OR1E2: variants seen among roughly 807,000 people sequenced by gnomAD.
OR1E2 encodes olfactory receptor family 1 subfamily E member 2, also known as olfactory receptor 1E2.
A neutral mutation model predicts 5.6 loss-of-function variants in OR1E2; 6 were observed. The observed-to-expected ratio is 1.08, with a 90% CI of 0.59 to 2.12. OR1E2 has a LOEUF of 2.12. Ranked by LOEUF, OR1E2 falls within the 30% of genes most tolerant of loss-of-function variation. OR1E2 has a pLI of 0.00. For synonymous variants in OR1E2, 135 were observed against 157.4 expected (o/e 0.86, Z 1.06); for missense variants, 344 against 391.4 (o/e 0.88, Z 1.02).
chr17:3,432,878 G>C lies in OR1E2; in HGVS notation c.964C>G (p.Leu322Val). Residue 322 changes from leucine to valine, a missense_variant, in exon 1 of 1, where the codon CTT becomes GTT. Transcript: ENST00000248384. ...RVICKRKNPF[L>V]L Reference sequence around the variant, plus strand: ...ACTCCCAAGTATTACTGTCATAGAAGGAAGGGATTTTTCCTTTTACAAATG... The same window carrying C: ...ACTCCCAAGTATTACTGTCATAGAACGAAGGGATTTTTCCTTTTACAAATG... The C allele has an allele frequency of 1.2e-6, 2 of 1,604,490 alleles. No individual in the cohort carries two copies. Among genetic ancestry groups the C allele is most frequent in the Non-Finnish European group, 1.7e-6 (2 of 1,175,526 alleles).
chr17:3,433,203 C>A lies in OR1E2; in HGVS notation c.639G>T (p.Gly213=). ...GTAGGAATGGGATGACAAGAATGAG[C>A]CCTCCCATGATAAATATCACCCATT... The part of the protein sequence containing the change: ...VNEWVIFIMG[G]LILVIPFLLI... The change falls in exon 1 of 1, where the codon GGG becomes GGT. Residue 213 remains glycine (G), a synonymous_variant. Coordinates refer to ENST00000248384, the MANE Select transcript of OR1E2 (RefSeq NM_003554.2). 1.2e-6 allele frequency: 2 copies of A among 1,613,884 alleles called. No individual in the cohort carries two copies. Among genetic ancestry groups the A allele is most frequent in the African/African-American group, 2.7e-5 (2 of 74,988 alleles).
chr17:3,433,263 C>G lies in OR1E2; in HGVS notation c.579G>C (p.Leu193=). The change falls in exon 1 of 1, where the codon CTG becomes CTC. Residue 193 remains leucine, a synonymous_variant. Transcript: ENST00000248384. ...IPHFFCDMSA[L]LKLACSDTRV... is the part of the protein sequence containing the mutation. ...GAGTGTCAGAGCAGGCCAGCTTCAG[C>G]AGAGCAGACATATCACAGAAAAAGT... 1 of 1,614,032 alleles carries G rather than the reference C, an allele frequency of 6.2e-7. No individual in the cohort carries two copies. Among genetic ancestry groups the G allele is most frequent in the South Asian group, 1.1e-5 (1 of 91,074 alleles).
chr17:3,433,320 C>A lies in OR1E2; in HGVS notation c.522G>T (p.Arg174Ser), dbSNP rs1180435988. 6.2e-7 allele frequency: 1 copy of A among 1,614,156 alleles called. No homozygotes were observed. The highest frequency in any genetic ancestry group is 1.3e-5 in the African/African-American group (1 of 75,020). The change falls in exon 1 of 1, where the codon AGG (arginine) becomes AGT (serine). Residue 174 changes from arginine (R) to serine (S), a missense_variant. Coordinates refer to ENST00000248384, the MANE Select transcript of OR1E2 (RefSeq NM_003554.2). The stretch of plus-strand genomic sequence containing the variant: ...TCACATTGTCTGCACAAAAACACAA[C>A]CTGGCCATGAGTAAAGTGTGTAACA... ...HAMLHTLLMA[R>S]LCFCADNVIP...
In OR1E2 at chr17:3,433,686, G is replaced by A. The variant is rs1404953853; in HGVS notation, c.156C>T (p.Asp52=). ...NLLIIVLIRL[D]SHLHTPVYLF... ...AATACACAGGCGTGTGGAGATGGGA[G>A]TCCAGTCGAATGAGGACAATGATGA... The change falls in exon 1 of 1, where the codon GAC becomes GAT. Residue 52 remains aspartate, a synonymous_variant. Transcript: ENST00000248384. 6.2e-6 allele frequency: 10 copies of A among 1,614,200 alleles called. No homozygotes were observed. Among genetic ancestry groups the A allele is most frequent in the East Asian group, 4.5e-5 (2 of 44,876 alleles).
rs767184368 is a variant in OR1E2, at chr17:3,433,289, G to C, written c.553C>G (p.His185Asp). The change falls in exon 1 of 1, where the codon CAC becomes GAC. Residue 185 changes from histidine (H) to aspartate (D), a missense_variant. By Grantham distance (81) the His-to-Asp change is moderately conservative. Transcript: ENST00000248384. Reference protein sequence around the residue: ...LCFCADNVIPHFFCDMSALLK... With the variant: ...LCFCADNVIPDFFCDMSALLK... ...AGAGCAGACATATCACAGAAAAAGTGGGGGATCACATTGTCTGCACAAAAA... is the reference window on the plus strand; with the variant it reads ...AGAGCAGACATATCACAGAAAAAGTCGGGGATCACATTGTCTGCACAAAAA... 6.2e-7 allele frequency: 1 copy of C among 1,614,142 alleles called. No homozygotes were observed. Among genetic ancestry groups the C allele is most frequent in the South Asian group, 1.1e-5 (1 of 91,078 alleles).
At position 3,433,276 on chromosome 17, in the gene OR1E2, T is replaced by C; in HGVS notation, c.566A>G (p.Asp189Gly). 3 of 1,612,990 alleles carry C rather than the reference T, an allele frequency of 1.9e-6. No individual in the cohort carries two copies. The highest frequency in any genetic ancestry group is 1.3e-5 in the African/African-American group (1 of 74,958). Residue 189 changes from aspartate to glycine, a missense_variant, in exon 1 of 1, where the codon GAT becomes GGT. Physicochemically the swap from Asp to Gly is moderately conservative, Grantham distance 94. Transcript: ENST00000248384. ...GGCCAGCTTCAGCAGAGCAGACATA[T>C]CACAGAAAAAGTGGGGGATCACATT... ...ADNVIPHFFC[D>G]MSALLKLACS...
Position 3,433,443 on chromosome 17 carries a change from G to C in OR1E2, c.399C>G (p.Thr133=). 1.2e-6 allele frequency: 2 copies of C among 1,612,460 alleles called. No homozygotes were observed. The highest frequency in any genetic ancestry group is 1.7e-6 in the Non-Finnish European group (2 of 1,179,920). Reference sequence around the variant, plus strand: ...TGTAGTGCAGGAGGAAGCAGATGGCGGTGTAGTGCATGGGGAAGCAGATGG... The same window carrying C: ...TGTAGTGCAGGAGGAAGCAGATGGCCGTGTAGTGCATGGGGAAGCAGATGG... ...YVAICFPMHY[T]AICFLLHYTA... Residue 133 remains threonine, a synonymous_variant, in exon 1 of 1, where the codon ACC becomes ACG. Transcript: ENST00000248384.
Position 3,433,248 on chromosome 17 carries a change from G to A in OR1E2, c.594C>T (p.Cys198=). 6.2e-7 allele frequency: 1 copy of A among 1,614,070 alleles called. No homozygotes were observed. The highest frequency in any genetic ancestry group is 1.3e-5 in the African/African-American group (1 of 75,036). The change falls in exon 1 of 1, where the codon TGC becomes TGT. Residue 198 remains cysteine (C), a synonymous_variant. Coordinates refer to ENST00000248384, the MANE Select transcript of OR1E2 (RefSeq NM_003554.2). The part of the protein sequence containing the change: ...CDMSALLKLA[C]SDTRVNEWVI... ...CCCATTCATTAACTCGAGTGTCAGAGCAGGCCAGCTTCAGCAGAGCAGACA... is the reference window on the plus strand; with the variant it reads ...CCCATTCATTAACTCGAGTGTCAGAACAGGCCAGCTTCAGCAGAGCAGACA...
rs748715403 is a variant in OR1E2, at chr17:3,432,886, T to C, written c.956A>G (p.Asn319Ser). Residue 319 changes from asparagine (N) to serine (S), a missense_variant, in exon 1 of 1, where the codon AAT becomes AGT. Coordinates refer to ENST00000248384, the MANE Select transcript of OR1E2 (RefSeq NM_003554.2). ...GTATTACTGTCATAGAAGGAAGGGA[T>C]TTTTCCTTTTACAAATGACCCTTTC... ...ALERVICKRKNPFLL is the reference protein window; with the variant it reads ...ALERVICKRKSPFLL 1 of 1,608,164 alleles carries C rather than the reference T, an allele frequency of 6.2e-7. No homozygotes were observed. Among genetic ancestry groups the C allele is most frequent in the African/African-American group, 1.3e-5 (1 of 74,666 alleles).
Position 3,433,402 on chromosome 17 carries a change from G to A in OR1E2, c.440C>T (p.Pro147Leu), listed in dbSNP as rs761416955. The A allele has an allele frequency of 2.5e-6, 4 of 1,613,104 alleles. No homozygotes were observed. In the Admixed American group the frequency reaches 5.0e-5, roughly 20 times the overall value. ...CGCCACCACGGAGAGACAGAGCATG[G>A]GGCTCATGATGGCGGTGTAGTGCAG... ...FLLHYTAIMSPMLCLSVVALS... is the reference protein window; with the variant it reads ...FLLHYTAIMSLMLCLSVVALS... Residue 147 changes from proline to leucine, a missense_variant, in exon 1 of 1, where the codon CCC (proline) becomes CTC (leucine). Physicochemically the swap from Pro to Leu is moderately conservative, Grantham distance 98. Transcript: ENST00000248384.
At position 3,433,053 on chromosome 17, in the gene OR1E2, G is replaced by C; in HGVS notation, c.789C>G (p.Thr263=). Residue 263 remains threonine, a synonymous_variant, in exon 1 of 1, where the codon ACC becomes ACG. Transcript: ENST00000248384. ...ATGGGCATAAGTAGAGACCAATAAC[G>C]GTCCCATAGAACAGTGACACCACAG... ...HLSVVSLFYG[T]VIGLYLCPSA... 6.2e-7 allele frequency: 1 copy of C among 1,613,824 alleles called. No individual in the cohort carries two copies.
rs2072516598 is a variant in OR1E2 at position 3,433,742 on chromosome 17, T to C, written c.100A>G (p.Met34Val). The C allele has an allele frequency of 7.4e-6, 12 of 1,614,094 alleles. No homozygotes were observed. Among genetic ancestry groups the C allele is most frequent in the African/African-American group, 1.3e-5 (1 of 75,016 alleles). ...QNLCYALFLA[M>V]YLTTLLGNLL... ...TTCCCCAGGAGGGTGGTAAGATACA[T>C]GGCCAAGAACAGGGCATAGCACAGG... Residue 34 changes from methionine to valine, a missense_variant, in exon 1 of 1, where the codon ATG becomes GTG. By Grantham distance (21) the Met-to-Val change is conservative. Coordinates refer to ENST00000248384, the MANE Select transcript of OR1E2 (RefSeq NM_003554.2).
rs2072509903 is a variant in OR1E2, at chr17:3,433,112, A to C, written c.730T>G (p.Cys244Gly). The part of the protein sequence containing the change: ...ILKVPSSKGI[C>G]KAFSTCGSHL... ...GAGCCACAAGTAGAGAAGGCCTTGC[A>C]GATACCCTTAGAAGAAGGGACCTTG... Residue 244 changes from cysteine (C) to glycine (G), a missense_variant, in exon 1 of 1, where the codon TGC becomes GGC. By Grantham distance (159) the Cys-to-Gly change is radical (BLOSUM62 -3). Transcript: ENST00000248384. The C allele has an allele frequency of 6.3e-7, 1 of 1,595,742 alleles. No individual in the cohort carries two copies.
At position 3,433,087 on chromosome 17, in the gene OR1E2, G is replaced by A. The variant is rs373649393; in HGVS notation, c.755C>T (p.Ser252Phe). 35 of 1,613,322 alleles carry A rather than the reference G, an allele frequency of 2.2e-5. No individual in the cohort carries two copies. Among genetic ancestry groups the A allele is most frequent in the Admixed American group, 1.3e-4 (8 of 59,976 alleles). The change falls in exon 1 of 1, where the codon TCC becomes TTC. Residue 252 changes from serine to phenylalanine, a missense_variant. Transcript: ENST00000248384. ...GAACAGTGACACCACAGAGAGGTGG[G>A]AGCCACAAGTAGAGAAGGCCTTGCA... Reference protein sequence around the residue: ...GICKAFSTCGSHLSVVSLFYG... With the variant: ...GICKAFSTCGFHLSVVSLFYG...
rs78339092 is a variant in OR1E2, at chr17:3,433,405, C to A, written c.437G>T (p.Ser146Ile). ...CFLLHYTAIMSPMLCLSVVAL... is the reference protein window; with the variant it reads ...CFLLHYTAIMIPMLCLSVVAL... Reference sequence around the variant, plus strand: ...CACCACGGAGAGACAGAGCATGGGGCTCATGATGGCGGTGTAGTGCAGGAG... The same window carrying A: ...CACCACGGAGAGACAGAGCATGGGGATCATGATGGCGGTGTAGTGCAGGAG... Residue 146 changes from serine (S) to isoleucine (I), a missense_variant, in exon 1 of 1, where the codon AGC (serine) becomes ATC (isoleucine). Transcript: ENST00000248384. The A allele has an allele frequency of 2.3e-4, 377 of 1,612,550 alleles. 5 individuals carry two copies. The South Asian group carries it at 3.7e-3, about 16-fold the overall frequency.
Position 3,433,372 on chromosome 17 carries a change from G to A in OR1E2, c.470C>T (p.Ser157Phe). 1 of 1,614,164 alleles carries A rather than the reference G, an allele frequency of 6.2e-7. No homozygotes were observed. Reference protein sequence around the residue: ...PMLCLSVVALSWVLTTFHAML... With the variant: ...PMLCLSVVALFWVLTTFHAML... The stretch of plus-strand genomic sequence containing the variant: ...GGCATGGAAGGTGGTCAGCACCCAG[G>A]ACAGCGCCACCACGGAGAGACAGAG... Residue 157 changes from serine (S) to phenylalanine (F), a missense_variant, in exon 1 of 1, where the codon TCC becomes TTC. Ser to Phe is a radical substitution (Grantham distance 155). Coordinates refer to ENST00000248384, the MANE Select transcript of OR1E2 (RefSeq NM_003554.2).
Position 3,433,446 on chromosome 17 carries a change from G to A in OR1E2, c.396C>T (p.Tyr132=). 1.2e-6 allele frequency: 2 copies of A among 1,612,974 alleles called. No homozygotes were observed. Among genetic ancestry groups the A allele is most frequent in the Non-Finnish European group, 1.7e-6 (2 of 1,179,954 alleles). Reference sequence around the variant, plus strand: ...AGTGCAGGAGGAAGCAGATGGCGGTGTAGTGCATGGGGAAGCAGATGGCCA... The same window carrying A: ...AGTGCAGGAGGAAGCAGATGGCGGTATAGTGCATGGGGAAGCAGATGGCCA... ...RYVAICFPMH[Y]TAICFLLHYT... The change falls in exon 1 of 1, where the codon TAC becomes TAT. Residue 132 remains tyrosine (Y), a synonymous_variant. Transcript: ENST00000248384.
rs1248038253 is a variant in OR1E2 at position 3,433,797 on chromosome 17, C to T, written c.45G>A (p.Leu15=). Residue 15 remains leucine (L), a synonymous_variant, in exon 1 of 1, where the codon CTG becomes CTA. Coordinates refer to ENST00000248384, the MANE Select transcript of OR1E2 (RefSeq NM_003554.2). ...GCTGCTCTGGTTGGATGGGCAGGCC[C>T]AGGAGCAGGAAGTCTGAGATGCTGG... is the stretch of plus-strand genomic sequence containing the variant. ...NQTSISDFLL[L]GLPIQPEQQN... 15 of 1,612,434 alleles carry T rather than the reference C, an allele frequency of 9.3e-6. No homozygotes were observed. The highest frequency in any genetic ancestry group is 1.3e-5 in the African/African-American group (1 of 74,892).
chr17:3,433,092 A>G lies in OR1E2; in HGVS notation c.750T>C (p.Cys250=). ...GTGACACCACAGAGAGGTGGGAGCC[A>G]CAAGTAGAGAAGGCCTTGCAGATAC... ...SKGICKAFST[C]GSHLSVVSLF... Residue 250 remains cysteine, a synonymous_variant, in exon 1 of 1, where the codon TGT becomes TGC. Coordinates refer to ENST00000248384, the MANE Select transcript of OR1E2 (RefSeq NM_003554.2). The G allele has an allele frequency of 1.2e-6, 2 of 1,613,296 alleles. No homozygotes were observed. The highest frequency in any genetic ancestry group is 1.7e-6 in the Non-Finnish European group (2 of 1,179,910).
Sources: gnomAD v4.1 joint callset for allele counts on GRCh38, gnomAD v4.1.1 for gene constraint, MANE v1.5 for transcripts, NCBI Gene and HGNC (gene_info 2026-07-23, HGNC 2026-07-21) for gene names.